KDELR3: variants seen among roughly 807,000 people sequenced by gnomAD.
KDELR3 encodes the protein ER lumen protein-retaining receptor 3.
Under a neutral mutation model 22.7 loss-of-function variants are expected in KDELR3, and 26 were observed. That is an observed-to-expected ratio of 1.15 (90% CI 0.84 to 1.59). KDELR3 has a LOEUF of 1.59. Ranked by LOEUF, KDELR3 falls within the 40% of genes most tolerant of loss-of-function variation. The pLI is 0.00. For synonymous variants in KDELR3, 120 were observed against 98.2 expected (o/e 1.22, Z -1.31); for missense variants, 289 against 251.1 (o/e 1.15, Z -1.02).
chr22:38,468,690 C>T (rs966352285), intron 1 of KDELR3, among the ~76,000 whole-genome samples: 2 of 152,124 alleles, frequency 1.3e-5, no homozygotes, highest in African/African-American at 4.8e-5. Flanking sequence ...CACTCAGGAA[C>T]GGCCCACGAT....
At chr22:38,482,469 T>G (rs776706659) in intron 4 of KDELR3, 27 bp from the exon 5 acceptor site, 1 of 1,588,802 alleles carries the variant, frequency 6.3e-7, no homozygotes, top group Non-Finnish European at 8.6e-7. Flanking sequence ...GATGGTAAAT[T>G]CTTATTTCAT....
intron 4 of KDELR3, 86 bp downstream of exon 4, chr22:38,481,550 AAC>A (rs1439938687): frequency 1.9e-6 from 3 of 1,589,380 alleles, no homozygotes; most frequent in Non-Finnish European, 1.7e-6. Flanking sequence ...TACAGATGTG[AAC>A]AGTCAAGTCT....
intron 1 of KDELR3, among the ~76,000 whole-genome samples, chr22:38,470,243 C>G (rs1163146029): frequency 6.6e-6 from 1 of 151,888 alleles, no homozygotes; most frequent in Non-Finnish European, 1.5e-5. Context: ...CCTGCTTCAG[C>G]CTTCCAAGTA....
At chr22:38,472,463 T>C (rs2089531169) in intron 1 of KDELR3, among the ~76,000 whole-genome samples, 1 of 151,334 alleles carries the variant, frequency 6.6e-6, no homozygotes, top group Admixed American at 6.6e-5. Context: ...GGTGACAGAG[T>C]GAGACTCTGT....
chr22:38,468,180 A>G lies in KDELR3; in HGVS notation c.-54A>G. The stretch of plus-strand genomic sequence containing the variant: ...AGACGTGGCAGCCGCCCTGCCCGCC[A>G]GAAAGTTTCCTAGAAGTTTGCTGGG... On this transcript the variant is annotated 5_prime_UTR_variant, in exon 1 of 5. Coordinates refer to ENST00000216014, the MANE Select transcript of KDELR3 (RefSeq NM_006855.4). The G allele has an allele frequency of 6.4e-7, 1 of 1,551,140 alleles. No individual in the cohort carries two copies. Among genetic ancestry groups the G allele is most frequent in the Non-Finnish European group, 8.9e-7 (1 of 1,125,818 alleles).
intron 1 of KDELR3, among the ~76,000 whole-genome samples, chr22:38,474,097 C>T (rs1301924610): frequency 2.0e-5 from 3 of 152,206 alleles, no homozygotes; most frequent in Non-Finnish European, 4.4e-5. Context: ...TGAATCAACA[C>T]CTTGTAAAGT....
In KDELR3 at chr22:38,479,552, G is replaced by T. The variant is rs754235418; in HGVS notation, c.193-41G>T. The stretch of plus-strand genomic sequence containing the variant: ...GAGCGTAGTAAATAGGCCGGGAAAT[G>T]ACTTCATAGATTCGATTCCCATGTC... On this transcript the variant is annotated intron_variant, in intron 2 of 4. Transcript: ENST00000216014. 1.9e-6 allele frequency: 3 copies of T among 1,582,518 alleles called. No individual in the cohort carries two copies. In the Admixed American group the frequency reaches 5.0e-5, roughly 26 times the overall value.
intron 2 of KDELR3, among the ~76,000 whole-genome samples, chr22:38,477,355 C>T (rs1480964292): frequency 6.6e-6 from 1 of 151,794 alleles, no homozygotes; most frequent in Admixed American, 6.6e-5. Context: ...CAGGTGCACA[C>T]CACCATGCCT....
chr22:38,469,164 A>G (rs1453059162), intron 1 of KDELR3, among the ~76,000 whole-genome samples: 40 of 152,200 alleles, frequency 2.6e-4, no homozygotes. Flanking sequence ...GAGGACGAGC[A>G]GGTGTCAATC....
At chr22:38,481,491 GA>G in intron 4 of KDELR3, 27 bp downstream of exon 4, 1 of 1,614,090 alleles carries the variant, frequency 6.2e-7, no homozygotes, top group Non-Finnish European at 8.5e-7. Flanking sequence ...CAGCAATGCT[GA>G]CACTGGCCTA....
chr22:38,469,858 C>T (rs5995580), intron 1 of KDELR3, among the ~76,000 whole-genome samples: 8,291 of 152,262 alleles, frequency 0.054, 255 homozygotes, highest in Non-Finnish European at 0.064. Flanking sequence ...TTCGCTTTGT[C>T]CCTGAAGCTG....
Position 38,474,509 on chromosome 22 carries a change from A to C in KDELR3, c.92-14A>C, listed in dbSNP as rs778180710. 5.6e-6 allele frequency: 9 copies of C among 1,606,212 alleles called. No individual in the cohort carries two copies. The South Asian group carries it at 8.8e-5, about 16-fold the overall frequency. ...TCTGTGTCCTCATTGTCTCCTGTCT[A>C]CCCTTGGCCACAGGCATCTCTGGGA... On this transcript the variant is annotated splice_polypyrimidine_tract_variant and intron_variant, in intron 1 of 4. Coordinates refer to ENST00000216014, the MANE Select transcript of KDELR3 (RefSeq NM_006855.4).
chr22:38,477,698 G>A (rs1017083372), intron 2 of KDELR3, among the ~76,000 whole-genome samples: 3 of 152,194 alleles, frequency 2.0e-5, no homozygotes, highest in Non-Finnish European at 4.4e-5. Flanking sequence ...GGAGGTTGCT[G>A]TTACTTGTGA....
At position 38,481,312 on chromosome 22, in the gene KDELR3, A is replaced by C; in HGVS notation, c.452A>C (p.Tyr151Ser). Residue 151 changes from tyrosine (Y) to serine (S), a missense_variant, in exon 4 of 5, where the codon TAC becomes TCC. Tyr to Ser is a moderately radical substitution (Grantham distance 144, BLOSUM62 -2). Coordinates refer to ENST00000216014, the MANE Select transcript of KDELR3 (RefSeq NM_006855.4). ...GAGGCTGAGACCATAACTACTCACT[A>C]CCTGTTCTTTCTGGGTCTGTACCGG... ...TGEAETITTH[Y>S]LFFLGLYRAL... The C allele has an allele frequency of 1.2e-6, 2 of 1,614,086 alleles. No homozygotes were observed. Among genetic ancestry groups the C allele is most frequent in the Non-Finnish European group, 8.5e-7 (1 of 1,180,020 alleles).
In KDELR3 at chr22:38,468,288, C is replaced by A; in HGVS notation, c.55C>A (p.Leu19Met). The A allele has an allele frequency of 6.2e-7, 1 of 1,613,882 alleles. No homozygotes were observed. The highest frequency in any genetic ancestry group is 8.5e-7 in the Non-Finnish European group (1 of 1,179,940). ...GAGCCACCTCCTGGCCATGATCTTG[C>A]TGCTGGGGAAGATCTGGAGGTCCAA... ...DLSHLLAMIL[L>M]LGKIWRSKCC... Residue 19 changes from leucine (L) to methionine (M), a missense_variant, in exon 1 of 5, where the codon CTG (leucine) becomes ATG (methionine). Coordinates refer to ENST00000216014, the MANE Select transcript of KDELR3 (RefSeq NM_006855.4).
chr22:38,475,830 C>G (rs1319848203), intron 2 of KDELR3, among the ~76,000 whole-genome samples: 1 of 152,124 alleles, frequency 6.6e-6, no homozygotes, highest in Non-Finnish European at 1.5e-5. Context: ...GACAGGGTTT[C>G]TCCATGTTGG....
chr22:38,483,020 T>C lies in KDELR3; in HGVS notation c.*484T>C, dbSNP rs927177799. 1 of 154,020 alleles carries C rather than the reference T, an allele frequency of 6.5e-6. No individual in the cohort carries two copies. The highest frequency in any genetic ancestry group is 1.4e-5 in the Non-Finnish European group (1 of 69,346). 9.5% of individuals were successfully genotyped at this position (154,020 alleles called of 1,614,324 possible). On this transcript the variant is annotated 3_prime_UTR_variant, in exon 5 of 5. Coordinates refer to ENST00000216014, the MANE Select transcript of KDELR3 (RefSeq NM_006855.4). ...TATAAAGGTGTCAGCTAGTTTTAAGTGTGAAACTTATTTCACTTTCACACT... is the reference window on the plus strand; with the variant it reads ...TATAAAGGTGTCAGCTAGTTTTAAGCGTGAAACTTATTTCACTTTCACACT...
chr22:38,472,790 C>T (rs1256562561), intron 1 of KDELR3, among the ~76,000 whole-genome samples: 4 of 152,244 alleles, frequency 2.6e-5, no homozygotes, highest in Middle Eastern at 3.4e-3. Context: ...ACCTCCACCT[C>T]CTGGGTTCAA....
intron 1 of KDELR3, among the ~76,000 whole-genome samples, 183 bp downstream of exon 1, chr22:38,468,507 A>G (rs971247808): frequency 1.3e-5 from 2 of 151,742 alleles, no homozygotes; most frequent in Non-Finnish European, 2.9e-5. Flanking sequence ...GAGGAGGAGG[A>G]CCCCTCGAGA....
Sources: allele counts gnomAD v4.1 joint callset (sites outside exome capture counted in the v4.1 genomes callset), GRCh38; gene constraint gnomAD v4.1.1; transcripts MANE v1.5; gene names NCBI Gene and HGNC (gene_info 2026-07-23, HGNC 2026-07-21).